Variants in RSPO2 observed in about 807,000 individuals in gnomAD.
RSPO2 encodes the protein R-spondin 2.
Under a neutral mutation model 30.9 loss-of-function variants are expected in RSPO2, and 14 were observed. That is an observed-to-expected ratio of 0.45 (90% CI 0.30 to 0.71). The LOEUF is 0.71. Ranked by LOEUF, RSPO2 falls within the 30% of genes least tolerant of loss-of-function variation. The probability of loss-of-function intolerance (pLI) is 0.08; values close to 1 mark genes in which losing one functional copy is unlikely to be tolerated. For synonymous variants in RSPO2, 107 were observed against 96.4 expected (o/e 1.11, Z -0.64); for missense variants, 264 against 301.9 (o/e 0.87, Z 0.93).
chr8:107,941,328 C>T (rs1812889761), intron 5 of RSPO2, among the ~76,000 whole-genome samples: 1 of 152,064 alleles, frequency 6.6e-6, no homozygotes, highest in African/African-American at 2.4e-5. Context: ...GCAAGAAGGT[C>T]TAGGAACTTG....
chr8:108,039,456 C>T (rs1354462459), intron 2 of RSPO2, among the ~76,000 whole-genome samples: 1 of 152,132 alleles, frequency 6.6e-6, no homozygotes, highest in Non-Finnish European at 1.5e-5. Flanking sequence ...TACCCAACGT[C>T]ACCCAGCTAC....
intron 2 of RSPO2, among the ~76,000 whole-genome samples, chr8:108,019,091 T>C (rs1810980505): frequency 6.6e-6 from 1 of 152,222 alleles, no homozygotes; most frequent in Non-Finnish European, 1.5e-5. Context: ...TATCCAAGTT[T>C]AGTAAAATGA....
chr8:107,912,120 A>C (rs559677359), intron 5 of RSPO2, among the ~76,000 whole-genome samples: 12 of 152,260 alleles, frequency 7.9e-5, no homozygotes, highest in Non-Finnish European at 1.5e-4. Context: ...CAAGGAAAAA[A>C]ACAAAAAATA....
chr8:108,022,522 CA>C (rs918698962), intron 2 of RSPO2, among the ~76,000 whole-genome samples: 2 of 152,134 alleles, frequency 1.3e-5, no homozygotes, highest in Non-Finnish European at 2.9e-5. Context: ...TCTTAACACA[CA>C]TAACTATGGA....
chr8:107,942,909 C>T (rs896499008), intron 5 of RSPO2, among the ~76,000 whole-genome samples: 6 of 152,176 alleles, frequency 3.9e-5, no homozygotes, highest in Non-Finnish European at 5.9e-5. Flanking sequence ...ACTCCAGTAG[C>T]GGACAAATGC....
intron 2 of RSPO2, among the ~76,000 whole-genome samples, chr8:108,073,863 AAGGAAAATAAACTTTTAG>A (rs1417874344): frequency 6.6e-6 from 1 of 152,234 alleles, no homozygotes; most frequent in Non-Finnish European, 1.5e-5. Flanking sequence ...AAACTCACAC[AAGGAAAATAAACTTTTAG>A]AAAACAATTA....
intron 3 of RSPO2, among the ~76,000 whole-genome samples, chr8:107,977,346 C>A (rs1324909836): frequency 6.6e-6 from 1 of 152,194 alleles, no homozygotes; most frequent in East Asian, 1.9e-4. Flanking sequence ...AATGCAAATT[C>A]TCGGGCTCCA....
intron 2 of RSPO2, among the ~76,000 whole-genome samples, chr8:108,043,040 A>G (rs1210304678): frequency 1.3e-5 from 2 of 152,144 alleles, no homozygotes; most frequent in Non-Finnish European, 2.9e-5. Context: ...CAACAAAAAT[A>G]AACAGTTGTA....
intron 2 of RSPO2, among the ~76,000 whole-genome samples, chr8:107,990,959 G>A (rs555588280): frequency 4.3e-4 from 66 of 152,152 alleles, no homozygotes; most frequent in Admixed American, 2.0e-3. Flanking sequence ...GGCTGGGTGC[G>A]GTGGCTCACG....
intron 5 of RSPO2, among the ~76,000 whole-genome samples, chr8:107,952,508 C>A (rs1813287216): frequency 6.6e-6 from 1 of 152,140 alleles, no homozygotes; most frequent in Non-Finnish European, 1.5e-5. Flanking sequence ...TATCGACATT[C>A]TTGACAAACT....
chr8:108,021,140 A>G (rs1811046848), intron 2 of RSPO2, among the ~76,000 whole-genome samples: 1 of 152,202 alleles, frequency 6.6e-6, no homozygotes, highest in Non-Finnish European at 1.5e-5. Flanking sequence ...TTAGTGCAAC[A>G]TTAATAAAGA....
At chr8:108,035,415 T>C (rs1025182982) in intron 2 of RSPO2, among the ~76,000 whole-genome samples, 7 of 152,194 alleles carry the variant, frequency 4.6e-5, no homozygotes, top group African/African-American at 1.7e-4. Flanking sequence ...TAGTGACTGT[T>C]GATTCCTCAC....
chr8:107,904,237 C>A (rs576017382), intron 5 of RSPO2, among the ~76,000 whole-genome samples: 1 of 151,416 alleles, frequency 6.6e-6, no homozygotes, highest in Non-Finnish European at 1.5e-5. Flanking sequence ...ATATGCTATA[C>A]GGGAAGTATT....
chr8:107,929,425 T>C (rs1812482705), intron 5 of RSPO2, among the ~76,000 whole-genome samples: 1 of 152,330 alleles, frequency 6.6e-6, no homozygotes, highest in East Asian at 1.9e-4. Flanking sequence ...GTTTAGCAGC[T>C]GAAAGCCAGC....
At chr8:107,909,863 T>C (rs1239199921) in intron 5 of RSPO2, among the ~76,000 whole-genome samples, 1 of 152,246 alleles carries the variant, frequency 6.6e-6, no homozygotes, top group Non-Finnish European at 1.5e-5. Flanking sequence ...ACTCCTACTT[T>C]GTACCAGGCC....
chr8:107,972,695 A>G (rs758880324), intron 3 of RSPO2, among the ~76,000 whole-genome samples: 13 of 152,126 alleles, frequency 8.5e-5, no homozygotes, highest in African/African-American at 1.2e-4. Flanking sequence ...TCATAAGGTG[A>G]TCAATACTGT....
chr8:107,928,280 C>T (rs2130335991), intron 5 of RSPO2, among the ~76,000 whole-genome samples: 1 of 152,256 alleles, frequency 6.6e-6, no homozygotes, highest in East Asian at 1.9e-4. Flanking sequence ...ATCCTTTACC[C>T]TTTTAAAAAA....
chr8:108,008,831 T>C (rs1467002057), intron 2 of RSPO2, among the ~76,000 whole-genome samples: 1 of 149,078 alleles, frequency 6.7e-6, no homozygotes, highest in Non-Finnish European at 1.5e-5. Context: ...ACTGAAACAA[T>C]AAACTTCTTT....
chr8:108,049,018 A>G (rs1447407671), intron 2 of RSPO2, among the ~76,000 whole-genome samples: 1 of 151,838 alleles, frequency 6.6e-6, no homozygotes, highest in Non-Finnish European at 1.5e-5. Flanking sequence ...ATTTGATTGC[A>G]CTGTGGTCTG....
Sources: gnomAD v4.1 joint callset for allele counts (sites outside exome capture counted in the v4.1 genomes callset) on GRCh38, gnomAD v4.1.1 for gene constraint, MANE v1.5 for transcripts, NCBI Gene and HGNC (gene_info 2026-07-23, HGNC 2026-07-21) for gene names.